CNTNAP4: variants seen among roughly 807,000 people sequenced by gnomAD.
CNTNAP4 encodes the protein contactin-associated protein-like 4.
A neutral mutation model predicts 148.4 loss-of-function variants in CNTNAP4; 98 were observed. That is an observed-to-expected ratio of 0.66 (90% CI 0.56 to 0.78). The LOEUF (loss-of-function observed/expected upper bound fraction) is 0.78, where lower values mean the gene tolerates loss of function less well. Among genes scored for constraint, CNTNAP4 ranks in the 30% least tolerant of loss-of-function variants. The pLI is 0.00. For synonymous variants in CNTNAP4, 730 were observed against 565.1 expected, an observed-to-expected ratio of 1.29 and a Z score of -4.14; for missense variants, 1,935 against 1,565.6, an observed-to-expected ratio of 1.24 and a Z score of -3.98.
chr16:76,456,191 G>A (rs1199823355), intron 8 of CNTNAP4, among the ~76,000 whole-genome samples: 2 of 152,080 alleles, frequency 1.3e-5, no homozygotes, highest in Non-Finnish European at 2.9e-5. Context: ...ATTGCTTATT[G>A]CAACACAGAG....
chr16:76,317,965 A>C (rs936725446), intron 2 of CNTNAP4, among the ~76,000 whole-genome samples: 3 of 152,118 alleles, frequency 2.0e-5, no homozygotes, highest in African/African-American at 7.2e-5. Context: ...ATATTTGTGT[A>C]GATAATGCTA....
chr16:76,346,756 T>C (rs1476131081), intron 2 of CNTNAP4, among the ~76,000 whole-genome samples: 1 of 152,216 alleles, frequency 6.6e-6, no homozygotes, highest in South Asian at 2.1e-4. Flanking sequence ...AACTTTATTC[T>C]AGTCTTCCAG....
chr16:76,391,573 G>A (rs868142516), intron 3 of CNTNAP4, among the ~76,000 whole-genome samples: 4 of 152,068 alleles, frequency 2.6e-5, no homozygotes, highest in African/African-American at 7.3e-5. Context: ...ATCAACTCAC[G>A]TGCAGTATCA....
intron 2 of CNTNAP4, among the ~76,000 whole-genome samples, chr16:76,322,283 C>T (rs1404490320): frequency 6.6e-6 from 1 of 152,136 alleles, no homozygotes. Context: ...TGTCTTAAAT[C>T]CATAGGTGTA....
At chr16:76,384,871 A>G (rs574320131) in intron 3 of CNTNAP4, among the ~76,000 whole-genome samples, 45 of 152,230 alleles carry the variant, frequency 3.0e-4, no homozygotes, top group Non-Finnish European at 5.7e-4. Flanking sequence ...GTAAAATTAG[A>G]AAGTAAGAAC....
intron 3 of CNTNAP4, among the ~76,000 whole-genome samples, chr16:76,371,303 T>C (rs2014793411): frequency 6.6e-6 from 1 of 152,174 alleles, no homozygotes; most frequent in Non-Finnish European, 1.5e-5. Context: ...TTGTTTTGTT[T>C]TGAAATGGAT....
chr16:76,321,476 T>A (rs1221268459), intron 2 of CNTNAP4, among the ~76,000 whole-genome samples: 1 of 152,168 alleles, frequency 6.6e-6, no homozygotes, highest in Non-Finnish European at 1.5e-5. Context: ...TTCCTGGTGT[T>A]AAACGTATTA....
chr16:76,399,698 G>A (rs1048775607), intron 3 of CNTNAP4, among the ~76,000 whole-genome samples: 11 of 152,092 alleles, frequency 7.2e-5, no homozygotes, highest in Middle Eastern at 3.2e-3. Context: ...ATTAAAAACT[G>A]GTAATAGAAG....
intron 2 of CNTNAP4, among the ~76,000 whole-genome samples, chr16:76,338,679 A>T (rs1451771552): frequency 6.6e-6 from 1 of 152,140 alleles, no homozygotes; most frequent in African/African-American, 2.4e-5. Flanking sequence ...CTCCAGGAGG[A>T]AATGACATCA....
intron 3 of CNTNAP4, among the ~76,000 whole-genome samples, chr16:76,417,283 G>A (rs529919503): frequency 6.6e-6 from 1 of 150,462 alleles, no homozygotes; most frequent in Admixed American, 6.7e-5. Context: ...TTAATTTTTT[G>A]CCCCATTTTA....
intron 3 of CNTNAP4, among the ~76,000 whole-genome samples, chr16:76,420,769 G>C (rs1245222981): frequency 1.3e-5 from 2 of 151,930 alleles, no homozygotes; most frequent in Non-Finnish European, 2.9e-5. Context: ...AGCCTCAAAT[G>C]CTGGGCTCAC....
chr16:76,343,279 G>A (rs1178870679), intron 2 of CNTNAP4, among the ~76,000 whole-genome samples: 3 of 152,082 alleles, frequency 2.0e-5, no homozygotes, highest in Non-Finnish European at 4.4e-5. Flanking sequence ...GTGAAAATGA[G>A]GTTGCATTGT....
intron 2 of CNTNAP4, among the ~76,000 whole-genome samples, chr16:76,340,937 T>G (rs1052714314): frequency 6.6e-6 from 1 of 152,230 alleles, no homozygotes; most frequent in Non-Finnish European, 1.5e-5. Context: ...TTTATAGCCC[T>G]TAAGATTGGC....
chr16:76,389,944 A>G (rs1230713353), intron 3 of CNTNAP4, among the ~76,000 whole-genome samples: 1 of 152,186 alleles, frequency 6.6e-6, no homozygotes, highest in Non-Finnish European at 1.5e-5. Context: ...CAATTTCAAG[A>G]AATAACAGTA....
chr16:76,313,071 C>T lies in CNTNAP4; in HGVS notation c.86-3342C>T, dbSNP rs1472177657. The stretch of plus-strand genomic sequence containing the variant: ...CAAATATCACAAGCCTCCTGTGTGC[C>T]CTTCTGTTTTCCATATTACATGTCT... On this transcript the variant is annotated intron_variant, in intron 1 of 23. Transcript: ENST00000611870. Among the ~76,000 whole-genome samples the T allele has an allele frequency of 2.6e-5, 4 of 151,986 alleles. No individual in the cohort carries two copies. In the East Asian group the frequency reaches 7.7e-4, roughly 29 times the overall value.
intron 1 of CNTNAP4, among the ~76,000 whole-genome samples, chr16:76,295,350 C>T (rs776290297): frequency 4.6e-5 from 7 of 152,098 alleles, no homozygotes; most frequent in Non-Finnish European, 5.9e-5. Flanking sequence ...GTAGGTAAAG[C>T]TAAGGACTAA....
chr16:76,493,566 A>G (rs1417798940), intron 13 of CNTNAP4, among the ~76,000 whole-genome samples: 2 of 152,196 alleles, frequency 1.3e-5, no homozygotes, highest in Non-Finnish European at 2.9e-5. Context: ...TAGGGAAGAC[A>G]TGAAATTTAG....
In CNTNAP4 at chr16:76,347,110, T is replaced by G. The variant is rs138874988; in HGVS notation, c.197-8208T>G. On this transcript the variant is annotated intron_variant, in intron 2 of 23. Transcript: ENST00000611870. ...CTTTGAAATGTAGTTTACAAATGAT[T>G]AAGCTGTGTAGGTGTGAGGCAATTG... 3.4e-3 allele frequency among the ~76,000 whole-genome samples: 518 copies of G among 150,740 alleles called. 2 individuals carry two copies. Among genetic ancestry groups the G allele is most frequent in the African/African-American group, 0.012 (476 of 41,026 alleles).
At chr16:76,449,303 G>C (rs552592295) in intron 6 of CNTNAP4, among the ~76,000 whole-genome samples, 9 of 152,144 alleles carry the variant, frequency 5.9e-5, no homozygotes, top group Non-Finnish European at 1.0e-4. Context: ...GTATTTGTGA[G>C]CAGTATAGAT....
Sources: gnomAD v4.1 joint callset for allele counts (sites outside exome capture counted in the v4.1 genomes callset) on GRCh38, gnomAD v4.1.1 for gene constraint, MANE v1.5 for transcripts, NCBI Gene and HGNC (gene_info 2026-07-23, HGNC 2026-07-21) for gene names.